SPATA6: variants seen among roughly 807,000 people sequenced by gnomAD.
The protein encoded by SPATA6 is spermatogenesis associated 6, also known as spermatogenesis-associated protein 6.
A neutral mutation model predicts 65.3 loss-of-function variants in SPATA6; 56 were observed. That is an observed-to-expected ratio of 0.86 (90% CI 0.69 to 1.07). The LOEUF (loss-of-function observed/expected upper bound fraction) is 1.07, where lower values mean the gene tolerates loss of function less well. Ranked by LOEUF, SPATA6 falls within the 50% of genes least tolerant of loss-of-function variation. The pLI is 0.00. For synonymous variants in SPATA6, 199 were observed against 213.2 expected (o/e 0.93, Z 0.58); for missense variants, 590 against 594.8 (o/e 0.99, Z 0.08).
chr1:48,447,287 G>A (rs1656146747), intron 3 of SPATA6, among the ~76,000 whole-genome samples: 1 of 152,142 alleles, frequency 6.6e-6, no homozygotes, highest in Non-Finnish European at 1.5e-5. Flanking sequence ...GTGAGGCCAA[G>A]GTGGGCGGAT....
At chr1:48,400,093 A>G (rs1651020188) in intron 6 of SPATA6, among the ~76,000 whole-genome samples, 1 of 151,932 alleles carries the variant, frequency 6.6e-6, no homozygotes, top group Admixed American at 6.6e-5. Flanking sequence ...ATAAAACTAT[A>G]AAAATAAGTT....
intron 9 of SPATA6, among the ~76,000 whole-genome samples, chr1:48,363,782 CTTTTT>C (rs1193286536): frequency 1.3e-5 from 2 of 150,374 alleles, no homozygotes; most frequent in African/African-American, 2.4e-5. Flanking sequence ...TGCCTTTTTT[CTTTTT>C]TTATTTTTTA....
rs985268055 is a variant in SPATA6, at chr1:48,363,781, T to C, written c.910-4011A>G. 1.4e-4 allele frequency among the ~76,000 whole-genome samples: 21 copies of C among 151,538 alleles called. 1 individual carries two copies. Among genetic ancestry groups the C allele is most frequent in the African/African-American group, 5.1e-4 (21 of 41,378 alleles). On this transcript the variant is annotated intron_variant, in intron 9 of 12. Coordinates refer to ENST00000371847, the MANE Select transcript of SPATA6 (RefSeq NM_019073.4). ...TTCTTTTTTTTCATGTTGCCTTTTT[T>C]CTTTTTTTATTTTTTAAATTTATTT...
At chr1:48,439,666 C>T (rs915369661) in intron 3 of SPATA6, among the ~76,000 whole-genome samples, 1 of 152,144 alleles carries the variant, frequency 6.6e-6, no homozygotes, top group Non-Finnish European at 1.5e-5. Context: ...AAACCACCGG[C>T]GTTTTTTTCT....
intron 6 of SPATA6, among the ~76,000 whole-genome samples, chr1:48,402,016 C>T (rs1339719728): frequency 6.6e-6 from 1 of 152,084 alleles, no homozygotes; most frequent in Non-Finnish European, 1.5e-5. Context: ...TTTACAGCAG[C>T]CTTATGAGGA....
At chr1:48,453,215 T>TA in intron 1 of SPATA6, 84 bp from the exon 2 acceptor site, 1 of 1,376,450 alleles carries the variant, frequency 7.3e-7, no homozygotes, top group Non-Finnish European at 9.7e-7. Context: ...AAATATTACA[T>TA]AAAAACATTA....
intron 2 of SPATA6, among the ~76,000 whole-genome samples, chr1:48,452,057 G>A (rs1159674185): frequency 6.6e-6 from 1 of 151,988 alleles, no homozygotes; most frequent in Non-Finnish European, 1.5e-5. Context: ...TTCTCTTCAT[G>A]CACTTACCAC....
intron 8 of SPATA6, among the ~76,000 whole-genome samples, chr1:48,388,149 A>C (rs1202220201): frequency 6.6e-6 from 1 of 152,188 alleles, no homozygotes; most frequent in Admixed American, 6.5e-5. Flanking sequence ...CTAGTGTCCC[A>C]GTCCTCAGCA....
intron 3 of SPATA6, among the ~76,000 whole-genome samples, chr1:48,426,229 A>G (rs1211665089): frequency 6.6e-6 from 1 of 152,194 alleles, no homozygotes; most frequent in Non-Finnish European, 1.5e-5. Flanking sequence ...GATAATCCCT[A>G]AACAGCCAAT....
At chr1:48,371,055 A>T (rs1260751105) in intron 9 of SPATA6, among the ~76,000 whole-genome samples, 1 of 152,232 alleles carries the variant, frequency 6.6e-6, no homozygotes, top group East Asian at 1.9e-4. Flanking sequence ...AATTGTGGCC[A>T]TATATGGAAA....
the SPATA6 span, among the ~76,000 whole-genome samples, chr1:48,279,610 T>A: frequency 2.0e-5 from 3 of 152,154 alleles, no homozygotes; most frequent in African/African-American, 7.2e-5. Context: ...GGTAAAGGGA[T>A]CAATTCAACA....
At chr1:48,277,673 T>G in the SPATA6 span, among the ~76,000 whole-genome samples, 6 of 152,160 alleles carry the variant, frequency 3.9e-5, no homozygotes, top group Admixed American at 1.3e-4. Flanking sequence ...ACAAAGCAGC[T>G]GGGAAGCTCG....
At chr1:48,314,011 C>A (rs1317392038) in intron 11 of SPATA6, among the ~76,000 whole-genome samples, 1 of 152,144 alleles carries the variant, frequency 6.6e-6, no homozygotes, top group Non-Finnish European at 1.5e-5. Context: ...TACATATGCA[C>A]CCAATACAGG....
rs1658320338 is a variant in SPATA6, at chr1:48,472,165, C to G, written c.-157G>C. 1.1e-5 allele frequency: 6 copies of G among 564,274 alleles called. No individual in the cohort carries two copies. Among genetic ancestry groups the G allele is most frequent in the South Asian group, 2.5e-5 (1 of 40,504 alleles). 35.0% of individuals were successfully genotyped at this position (564,274 alleles called of 1,614,324 possible). ...GCCCGCGGTCCAGCCTGGGTTCCGC[C>G]GGAGAAGCAGCTGAGCGCGGGGCGC... On this transcript the variant is annotated 5_prime_UTR_variant, in exon 1 of 13. Coordinates refer to ENST00000371847, the MANE Select transcript of SPATA6 (RefSeq NM_019073.4).
chr1:48,355,622 T>G, intron 11 of SPATA6, 48 bp downstream of exon 11: 1 of 1,364,908 alleles, frequency 7.3e-7, no homozygotes, highest in Non-Finnish European at 1.0e-6. Context: ...TTGGTGGTTT[T>G]CTTGACCTAT....
rs576726602 is a variant in SPATA6 at position 48,334,175 on chromosome 1, A to C, written c.1194+21495T>G. On this transcript the variant is annotated intron_variant, in intron 11 of 12. Transcript: ENST00000371847. Reference sequence around the variant, plus strand: ...CCAATAAAAGCCAAGAATCAGGTAGATTCACAGCCAAATTCTACCAGATGT... The same window carrying C: ...CCAATAAAAGCCAAGAATCAGGTAGCTTCACAGCCAAATTCTACCAGATGT... Among the ~76,000 whole-genome samples, 7 of 152,220 alleles carry C rather than the reference A, an allele frequency of 4.6e-5. No homozygotes were observed. In the South Asian group the frequency reaches 6.2e-4, roughly 14 times the overall value.
At chr1:48,277,833 C>T in the SPATA6 span, among the ~76,000 whole-genome samples, 2 of 152,352 alleles carry the variant, frequency 1.3e-5, no homozygotes, top group South Asian at 4.1e-4. Flanking sequence ...AGCAGTGGTT[C>T]TCCCAGCACA....
intron 11 of SPATA6, among the ~76,000 whole-genome samples, chr1:48,313,310 C>T (rs1014146798): frequency 7.9e-5 from 12 of 152,180 alleles, no homozygotes; most frequent in African/African-American, 2.9e-4. Context: ...TCGGGTTACC[C>T]ACAAAGGGAG....
intron 9 of SPATA6, among the ~76,000 whole-genome samples, chr1:48,379,227 T>A (rs1438717576): frequency 1.3e-5 from 2 of 152,110 alleles, no homozygotes; most frequent in Admixed American, 6.5e-5. Flanking sequence ...GAAAACTGCT[T>A]ATCAAACCAT....
Sources: allele counts gnomAD v4.1 joint callset (sites outside exome capture counted in the v4.1 genomes callset), GRCh38; gene constraint gnomAD v4.1.1; transcripts MANE v1.5; gene names NCBI Gene and HGNC (gene_info 2026-07-23, HGNC 2026-07-21).